The following STK26 variants were observed in gnomAD, a reference collection of about 807,000 sequenced individuals.
The protein encoded by STK26 is serine/threonine kinase 26, also known as serine/threonine-protein kinase 26.
A neutral mutation model predicts 34.7 loss-of-function variants in STK26; 14 were observed. The ratio of observed to expected loss-of-function variants is 0.40; its 90% CI spans 0.27 to 0.63. The LOEUF is 0.63. Ranked by LOEUF, STK26 falls within the 30% of genes least tolerant of loss-of-function variation. The pLI is 0.38. For missense variants in STK26, 226 were observed against 309.1 expected, an observed-to-expected ratio of 0.73 and a Z score of 2.02; for synonymous variants, 100 against 109.8, an observed-to-expected ratio of 0.91 and a Z score of 0.56.
chrX:132,041,710 C>A (rs1456643278), intron 2 of STK26, among the ~76,000 whole-genome samples: 1 of 110,339 alleles, frequency 9.1e-6, no homozygotes, highest in African/African-American at 3.3e-5. Flanking sequence ...AATCTTACTG[C>A]ATTTTTAAGT....
Position 132,071,180 on chromosome X carries a change from C to T in STK26, c.895C>T (p.His299Tyr). ...TTTTAAGAGATGGAAGGCAGAAGGA[C>T]ACAGTGATGATGAATCTGATTCCGA... Reference protein sequence around the residue: ...DRFKRWKAEGHSDDESDSEGS... With the variant: ...DRFKRWKAEGYSDDESDSEGS... The change falls in exon 8 of 12, where the codon CAC (histidine) becomes TAC (tyrosine). Residue 299 changes from histidine to tyrosine, a missense_variant. Coordinates refer to ENST00000394334, the MANE Select transcript of STK26 (RefSeq NM_016542.4). The T allele has an allele frequency of 8.3e-7, 1 of 1,210,741 alleles. No individual in the cohort carries two copies. Among genetic ancestry groups the T allele is most frequent in the Non-Finnish European group, 1.1e-6 (1 of 894,755 alleles).
chrX:132,062,339 A>G (rs1927080351), intron 3 of STK26, among the ~76,000 whole-genome samples: 1 of 112,290 alleles, frequency 8.9e-6, no homozygotes, highest in East Asian at 2.8e-4. Context: ...TTAATGGTTT[A>G]TTCCAGTGTT....
intron 9 of STK26, 78 bp downstream of exon 9, chrX:132,072,439 G>T (rs1438716566): frequency 3.4e-5 from 29 of 857,387 alleles, no homozygotes; most frequent in Non-Finnish European, 4.9e-5. Context: ...GCCTAAAATT[G>T]TTAGGATTGA....
chrX:132,067,463 A>C (rs1927259217), intron 4 of STK26, among the ~76,000 whole-genome samples: 1 of 111,915 alleles, frequency 8.9e-6, no homozygotes, highest in African/African-American at 3.2e-5. Flanking sequence ...CATTTATTTT[A>C]AAGAGGGATT....
intron 2 of STK26, among the ~76,000 whole-genome samples, chrX:132,050,644 C>G (rs1450462764): frequency 1.8e-5 from 2 of 111,764 alleles, no homozygotes; most frequent in African/African-American, 6.5e-5. Context: ...CAAGGGTCAC[C>G]AGTGCTAATT....
intron 4 of STK26, among the ~76,000 whole-genome samples, chrX:132,064,193 A>C (rs1391508399): frequency 8.9e-6 from 1 of 112,061 alleles, no homozygotes; most frequent in Non-Finnish European, 1.9e-5. Context: ...AGTCTGTGGT[A>C]TTCTGCTATA....
At chrX:132,039,019 C>G (rs1289029161) in intron 2 of STK26, among the ~76,000 whole-genome samples, 2 of 110,929 alleles carry the variant, frequency 1.8e-5, no homozygotes, top group Non-Finnish European at 3.8e-5. Context: ...ATGCTTAAAA[C>G]AAACAAACAA....
chrX:132,035,975 A>G (rs907191093), intron 2 of STK26, among the ~76,000 whole-genome samples: 6 of 110,799 alleles, frequency 5.4e-5, no homozygotes, highest in African/African-American at 2.0e-4. Flanking sequence ...AGAAATATCA[A>G]ACCACTTCCT....
intron 2 of STK26, among the ~76,000 whole-genome samples, chrX:132,033,812 C>T (rs1436034345): frequency 9.0e-6 from 1 of 111,101 alleles, no homozygotes; most frequent in Non-Finnish European, 1.9e-5. Flanking sequence ...AGTTTATACT[C>T]TAACCAGAGT....
At position 132,073,560 on chromosome X, in the gene STK26, T is replaced by C. The variant is rs769548513; in HGVS notation, c.1226+467T>C. ...AATCCAGACCAAAAAAGGGCTCTTATGTTCAACTTCAGTTTCTATGTTGTC... is the reference window on the plus strand; with the variant it reads ...AATCCAGACCAAAAAAGGGCTCTTACGTTCAACTTCAGTTTCTATGTTGTC... On this transcript the variant is annotated intron_variant, in intron 11 of 11. Transcript: ENST00000394334. Among the ~76,000 whole-genome samples, 7 of 112,282 alleles carry C rather than the reference T, an allele frequency of 6.2e-5. No individual in the cohort carries two copies. The East Asian group carries it at 1.7e-3, about 27-fold the overall frequency.
chrX:132,062,513 T>C (rs980580293), intron 3 of STK26, among the ~76,000 whole-genome samples: 3 of 111,901 alleles, frequency 2.7e-5, no homozygotes, highest in Admixed American at 1.9e-4. Flanking sequence ...CTTTTTCTTA[T>C]CCATTTACAT....
chrX:132,043,904 A>G (rs768172217), intron 2 of STK26, among the ~76,000 whole-genome samples: 3 of 111,997 alleles, frequency 2.7e-5, no homozygotes, highest in East Asian at 2.8e-4. Flanking sequence ...TGCAACACAA[A>G]TAACTGTCTC....
chrX:132,071,020 A>G (rs745850790), intron 7 of STK26, 49 bp from the exon 8 acceptor site: 4 of 1,140,242 alleles, frequency 3.5e-6, no homozygotes, highest in Admixed American at 2.6e-5. Flanking sequence ...CCTTGTAATC[A>G]TAAGAGTTCA....
intron 2 of STK26, among the ~76,000 whole-genome samples, chrX:132,040,319 A>T (rs1315728075): frequency 3.6e-5 from 4 of 112,471 alleles, no homozygotes; most frequent in Non-Finnish European, 5.6e-5. Context: ...ATATAGTATG[A>T]CAATAGAAAA....
intron 7 of STK26, among the ~76,000 whole-genome samples, chrX:132,070,639 T>C (rs1927384299): frequency 8.8e-6 from 1 of 113,134 alleles, no homozygotes; most frequent in South Asian, 3.6e-4. Flanking sequence ...GAAGGGATTA[T>C]ATGTGTAGAT....
intron 2 of STK26, among the ~76,000 whole-genome samples, chrX:132,029,226 G>C (rs1925733672): frequency 8.9e-6 from 1 of 112,005 alleles, no homozygotes; most frequent in Non-Finnish European, 1.9e-5. Flanking sequence ...GCAAATGAGA[G>C]AATATAATTT....
chrX:132,055,875 C>T (rs113606242), intron 3 of STK26, among the ~76,000 whole-genome samples: 3 of 111,984 alleles, frequency 2.7e-5, no homozygotes, highest in African/African-American at 9.7e-5. Flanking sequence ...TCCATCTATA[C>T]CTTTACGAAA....
intron 2 of STK26, among the ~76,000 whole-genome samples, chrX:132,045,502 A>G (rs985721571): frequency 1.8e-5 from 2 of 112,219 alleles, no homozygotes; most frequent in African/African-American, 6.5e-5. Flanking sequence ...TGAAATCGAC[A>G]TTAAGTCACT....
At chrX:132,035,163 A>G in intron 2 of STK26, among the ~76,000 whole-genome samples, 1 of 111,419 alleles carries the variant, frequency 9.0e-6, no homozygotes, top group Non-Finnish European at 1.9e-5. Context: ...GAGACTGGCG[A>G]ATCTTATGTG....
Sources: allele counts gnomAD v4.1 joint callset (sites outside exome capture counted in the v4.1 genomes callset), GRCh38; gene constraint gnomAD v4.1.1; transcripts MANE v1.5; gene names NCBI Gene and HGNC (gene_info 2026-07-23, HGNC 2026-07-21).